The following CAMTA1 variants were observed in gnomAD, a reference collection of about 807,000 sequenced individuals.
The protein encoded by CAMTA1 is calmodulin binding transcription activator 1.
In CAMTA1, 27 loss-of-function variants were observed where a neutral mutation model predicts 170.9. That is an observed-to-expected ratio of 0.16 (90% confidence interval 0.12 to 0.22). CAMTA1 has a LOEUF of 0.22. CAMTA1 is among the 10% of genes least tolerant of loss of function. The probability of loss-of-function intolerance (pLI) is 1.00; values close to 1 mark genes in which losing one functional copy is unlikely to be tolerated. For missense variants in CAMTA1, 1,619 were observed against 2,217.2 expected, an observed-to-expected ratio of 0.73 and a Z score of 5.42; for synonymous variants, 833 against 891.5, an observed-to-expected ratio of 0.93 and a Z score of 1.17.
chr1:7,086,088 T>G (rs771732980), intron 3 of CAMTA1, among the ~76,000 whole-genome samples: 5 of 152,144 alleles, frequency 3.3e-5, no homozygotes, highest in Non-Finnish European at 7.4e-5. Context: ...CCAAAGCCCC[T>G]GCAGCACATA....
chr1:7,398,686 T>G (rs2089643236), intron 5 of CAMTA1, among the ~76,000 whole-genome samples: 2 of 152,144 alleles, frequency 1.3e-5, no homozygotes, highest in African/African-American at 2.4e-5. Flanking sequence ...TTTAAGTGTT[T>G]TTTGGCTCTT....
intron 3 of CAMTA1, among the ~76,000 whole-genome samples, chr1:6,941,265 C>T (rs977396056): frequency 3.3e-5 from 5 of 152,222 alleles, no homozygotes; most frequent in East Asian, 3.9e-4. Context: ...TGGGCACAGC[C>T]GCACTTGAAG....
intron 3 of CAMTA1, among the ~76,000 whole-genome samples, chr1:7,009,364 G>A (rs1449720624): frequency 1.3e-5 from 2 of 152,170 alleles, no homozygotes; most frequent in Non-Finnish European, 1.5e-5. Flanking sequence ...CAGGAAACCC[G>A]GGTCTGTGTC....
At chr1:7,734,328 T>C (rs1444025993) in intron 12 of CAMTA1, among the ~76,000 whole-genome samples, 1 of 152,250 alleles carries the variant, frequency 6.6e-6, no homozygotes, top group East Asian at 1.9e-4. Context: ...TAAAATACTT[T>C]TCCTTTCACC....
chr1:7,381,409 G>GT (rs1311812900), intron 5 of CAMTA1, among the ~76,000 whole-genome samples: 1 of 151,316 alleles, frequency 6.6e-6, no homozygotes, highest in East Asian at 1.9e-4. Context: ...GCGGTGTTCG[G>GT]TTTTTTGTTC....
chr1:6,935,397 A>T (rs1434747700), intron 3 of CAMTA1, among the ~76,000 whole-genome samples: 2 of 152,230 alleles, frequency 1.3e-5, no homozygotes, highest in African/African-American at 2.4e-5. Context: ...AGCAAAAAAA[A>T]AATGACGGAT....
intron 6 of CAMTA1, among the ~76,000 whole-genome samples, chr1:7,567,730 T>C (rs1276941290): frequency 1.3e-5 from 2 of 152,160 alleles, no homozygotes; most frequent in Middle Eastern, 3.2e-3. Flanking sequence ...TTTCACAAGA[T>C]GCTGGGGTGA....
intron 5 of CAMTA1, among the ~76,000 whole-genome samples, chr1:7,462,082 C>G (rs1013722): frequency 0.5 from 76,569 of 152,152 alleles, 20,054 homozygotes; most frequent in Middle Eastern, 0.63. Flanking sequence ...TGACAGGTCA[C>G]AGGTCAGCAA....
chr1:7,161,969 G>A (rs967102228), intron 4 of CAMTA1, among the ~76,000 whole-genome samples: 2 of 152,158 alleles, frequency 1.3e-5, no homozygotes, highest in Admixed American at 6.5e-5. Context: ...TGTCGGCAAC[G>A]TCAGATCCTC....
At position 7,300,381 on chromosome 1, in the gene CAMTA1, GA is replaced by G. The variant is rs1205660476; in HGVS notation, c.438+50759del. 6.6e-6 allele frequency among the ~76,000 whole-genome samples: 1 copy of G among 152,132 alleles called. No individual in the cohort carries two copies. Among genetic ancestry groups the G allele is most frequent in the African/African-American group, 2.4e-5 (1 of 41,446 alleles). Reference sequence around the variant, plus strand: ...TGTTTTTAACTCCATGAATTGTTTAGAAAATTGTATAGAGGCCAGGCGCAGT... The same window carrying G: ...TGTTTTTAACTCCATGAATTGTTTAGAAATTGTATAGAGGCCAGGCGCAGT... On this transcript the variant is annotated intron_variant, in intron 5 of 22. Transcript: ENST00000303635. The surrounding 1 kb of genome is among the most constrained non-coding windows in gnomAD (Gnocchi z 4.1).
At chr1:7,639,651 T>G (rs2095745016) in intron 6 of CAMTA1, among the ~76,000 whole-genome samples, 1 of 152,010 alleles carries the variant, frequency 6.6e-6, no homozygotes, top group Non-Finnish European at 1.5e-5. Flanking sequence ...TGTGTGCCTG[T>G]AGTCCCAGCC....
At chr1:7,524,156 C>T (rs1257142666) in intron 6 of CAMTA1, among the ~76,000 whole-genome samples, 9 of 152,112 alleles carry the variant, frequency 5.9e-5, no homozygotes. Context: ...GAGCCGAGAT[C>T]GCACCACTGC....
chr1:6,790,486 G>A (rs901368512), intron 1 of CAMTA1, among the ~76,000 whole-genome samples: 8 of 151,772 alleles, frequency 5.3e-5, no homozygotes, highest in Non-Finnish European at 8.8e-5. Flanking sequence ...ATGATTGGTT[G>A]GAATGCTTAT....
intron 3 of CAMTA1, among the ~76,000 whole-genome samples, chr1:6,860,924 C>CA (rs1034233265): frequency 3.4e-4 from 50 of 146,138 alleles, no homozygotes; most frequent in Non-Finnish European, 7.5e-4. Context: ...AAAAACAAAA[C>CA]AAAAAAACCA....
chr1:7,005,756 A>G (rs1216168113), intron 3 of CAMTA1, among the ~76,000 whole-genome samples: 1 of 152,260 alleles, frequency 6.6e-6, no homozygotes, highest in Non-Finnish European at 1.5e-5. Flanking sequence ...ACCCCAGTCC[A>G]GAAGGACACA....
chr1:6,831,958 A>G (rs1404862155), intron 3 of CAMTA1, among the ~76,000 whole-genome samples: 1 of 152,230 alleles, frequency 6.6e-6, no homozygotes, highest in Admixed American at 6.5e-5. Flanking sequence ...CTTACTCTTT[A>G]AAAATCTTGA....
intron 5 of CAMTA1, among the ~76,000 whole-genome samples, chr1:7,384,934 G>C (rs564810103): frequency 6.6e-6 from 1 of 152,088 alleles, no homozygotes; most frequent in African/African-American, 2.4e-5. Context: ...GCGAGCGTGG[G>C]GATGGGCCCA....
rs752742464 is a variant in CAMTA1 at position 7,146,360 on chromosome 1, G to A, written c.302+54989G>A. 6.6e-6 allele frequency among the ~76,000 whole-genome samples: 1 copy of A among 152,170 alleles called. No individual in the cohort carries two copies. Among genetic ancestry groups the A allele is most frequent in the African/African-American group, 2.4e-5 (1 of 41,444 alleles). ...CATATCCTGGAGGGGGAAGAAGCAC[G>A]TATGAAAGAAGTGAAGAGATAAGAA... On this transcript the variant is annotated intron_variant, in intron 4 of 22. Transcript: ENST00000303635. The surrounding 1 kb of genome is among the most constrained non-coding windows in gnomAD (Gnocchi z 4.3).
chr1:7,732,432 T>C lies in CAMTA1; in HGVS notation c.2915-16T>C. The C allele has an allele frequency of 1.9e-6, 3 of 1,611,354 alleles. No individual in the cohort carries two copies. In the Admixed American group the frequency reaches 5.0e-5, roughly 27 times the overall value. ...TTCCAGAACACAACCTCACTCTTCC[T>C]CCTGCTCTGCCCTAGATAACCAGTT... On this transcript the variant is annotated splice_polypyrimidine_tract_variant and intron_variant, in intron 11 of 22. Coordinates refer to ENST00000303635, the MANE Select transcript of CAMTA1 (RefSeq NM_015215.4). The surrounding 1 kb of genome is among the most constrained non-coding windows in gnomAD (Gnocchi z 4.1).
Sources: allele counts gnomAD v4.1 joint callset (sites outside exome capture counted in the v4.1 genomes callset), GRCh38; gene constraint gnomAD v4.1.1; non-coding constraint Gnocchi (gnomAD v3.1); transcripts MANE v1.5; gene names NCBI Gene and HGNC (gene_info 2026-07-23, HGNC 2026-07-21).